INTU: variants seen among roughly 807,000 people sequenced by gnomAD.
INTU encodes the protein protein inturned.
A neutral mutation model predicts 100.5 loss-of-function variants in INTU; 68 were observed. The observed-to-expected ratio is 0.68, with a 90% CI of 0.56 to 0.83. INTU has a LOEUF of 0.83. Ranked by LOEUF, INTU falls within the 40% of genes least tolerant of loss-of-function variation. The pLI, the probability that INTU is intolerant of heterozygous loss-of-function variation, is 0.00. For missense variants in INTU, 1,071 were observed against 1,114.7 expected, an observed-to-expected ratio of 0.96 and a Z score of 0.56; for synonymous variants, 357 against 395.7, an observed-to-expected ratio of 0.90 and a Z score of 1.16.
At chr4:127,701,098 G>A (rs566059336) in intron 9 of INTU, among the ~76,000 whole-genome samples, 79 of 152,204 alleles carry the variant, frequency 5.2e-4, no homozygotes, top group African/African-American at 1.7e-3. Context: ...CCTGATGGAA[G>A]CACACAGAAC....
chr4:127,668,517 T>C (rs1728789543), intron 4 of INTU, among the ~76,000 whole-genome samples: 1 of 151,802 alleles, frequency 6.6e-6, no homozygotes. Context: ...TATTCTCACT[T>C]TGTAAGTTTA....
At chr4:127,680,886 T>G (rs1483476406) in intron 6 of INTU, among the ~76,000 whole-genome samples, 1 of 152,056 alleles carries the variant, frequency 6.6e-6, no homozygotes, top group African/African-American at 2.4e-5. Flanking sequence ...CTTAAGCTGA[T>G]AAGCAACTTC....
chr4:127,639,699 T>C (rs1162160654), intron 1 of INTU, among the ~76,000 whole-genome samples: 1 of 152,146 alleles, frequency 6.6e-6, no homozygotes, highest in Non-Finnish European at 1.5e-5. Context: ...GACATATACA[T>C]TGTATAGTGA....
chr4:127,669,172 G>T lies in INTU; in HGVS notation c.1091+18G>T. 3 of 1,183,052 alleles carry T rather than the reference G, an allele frequency of 2.5e-6. No homozygotes were observed. The highest frequency in any genetic ancestry group is 3.7e-6 in the Non-Finnish European group (3 of 820,854). The allele number at this position is 1,183,052 out of a possible 1,614,324, so 73.3% of individuals were successfully genotyped here. ...GTTACTAGGTAATAATTTTTATTTAGCTTTAATTCTGTTTTTTTCAAGTTC... is the reference window on the plus strand; with the variant it reads ...GTTACTAGGTAATAATTTTTATTTATCTTTAATTCTGTTTTTTTCAAGTTC... On this transcript the variant is annotated intron_variant, in intron 5 of 15. Coordinates refer to ENST00000335251, the MANE Select transcript of INTU (RefSeq NM_015693.4).
intron 1 of INTU, among the ~76,000 whole-genome samples, chr4:127,642,051 TTAAG>T (rs34451043): frequency 0.038 from 5,754 of 152,250 alleles, 362 homozygotes; most frequent in African/African-American, 0.13. Flanking sequence ...ACATATGTTT[TTAAG>T]TAATTAATGT....
At chr4:127,704,846 G>A (rs1221439576) in intron 10 of INTU, among the ~76,000 whole-genome samples, 1 of 151,996 alleles carries the variant, frequency 6.6e-6, no homozygotes, top group African/African-American at 2.4e-5. Flanking sequence ...CCATCACTTT[G>A]GGGGGCCGAG....
At chr4:127,637,800 C>T (rs1404467314) in intron 1 of INTU, among the ~76,000 whole-genome samples, 4 of 152,060 alleles carry the variant, frequency 2.6e-5, no homozygotes, top group African/African-American at 4.8e-5. Flanking sequence ...ATAGGAATGC[C>T]CTGTTTAGCT....
rs1730176523 is a variant in INTU, at chr4:127,692,172, A to G, written c.1449+4305A>G. ...ATCTACTTTTAGTTAAGGAATCTCC[A>G]CAATGTTTTCCATAGTGGTTGTACT... On this transcript the variant is annotated intron_variant, in intron 8 of 15. Coordinates refer to ENST00000335251, the MANE Select transcript of INTU (RefSeq NM_015693.4). Among the ~76,000 whole-genome samples the G allele has an allele frequency of 2.6e-5, 4 of 151,964 alleles. 1 individual carries two copies. The South Asian group carries it at 8.3e-4, about 32-fold the overall frequency.
Position 127,719,647 on chromosome 4 carries a change from C to T in INTU, c.*3211C>T, listed in dbSNP as rs1731316988. ...TTGGTTGGTAGCCTATTAATTACTG[C>T]CTCAATTTCAGAACTTGTTATTGGT... On this transcript the variant is annotated 3_prime_UTR_variant, in exon 16 of 16. Transcript: ENST00000335251. The T allele has an allele frequency of 1.3e-5, 2 of 152,116 alleles. No homozygotes were observed. 9.4% of individuals were successfully genotyped at this position (152,116 alleles called of 1,614,324 possible).
At chr4:127,674,916 A>C (rs1323141043) in intron 6 of INTU, among the ~76,000 whole-genome samples, 3 of 152,192 alleles carry the variant, frequency 2.0e-5, no homozygotes, top group Non-Finnish European at 2.9e-5. Context: ...AACTTGCCAA[A>C]GCTCGCATAA....
intron 14 of INTU, among the ~76,000 whole-genome samples, chr4:127,713,616 G>A (rs1311886844): frequency 1.3e-5 from 2 of 152,010 alleles, no homozygotes; most frequent in Admixed American, 1.3e-4. Flanking sequence ...CTTCCCTGGG[G>A]AAAAAAGCTT....
At chr4:127,701,476 A>G (rs1730646695) in intron 9 of INTU, among the ~76,000 whole-genome samples, 1 of 152,214 alleles carries the variant, frequency 6.6e-6, no homozygotes, top group Non-Finnish European at 1.5e-5. Flanking sequence ...CAAGGAAAGT[A>G]AACACTAATG....
chr4:127,647,035 T>G (rs1429290159), intron 2 of INTU, among the ~76,000 whole-genome samples: 1 of 152,190 alleles, frequency 6.6e-6, no homozygotes, highest in Admixed American at 6.5e-5. Flanking sequence ...CTTCTATCCA[T>G]AAATCCCCAC....
In INTU at chr4:127,649,459, A is replaced by G. The variant is rs1727734181; in HGVS notation, c.682+5403A>G. 2.0e-5 allele frequency among the ~76,000 whole-genome samples: 3 copies of G among 152,238 alleles called. No homozygotes were observed. In the South Asian group the frequency reaches 6.2e-4, roughly 32 times the overall value. Reference sequence around the variant, plus strand: ...TATCTACCAACACGATTCTACATATACAGGTTGAGTACTCCTTCTTCAAAA... The same window carrying G: ...TATCTACCAACACGATTCTACATATGCAGGTTGAGTACTCCTTCTTCAAAA... On this transcript the variant is annotated intron_variant, in intron 2 of 15. Coordinates refer to ENST00000335251, the MANE Select transcript of INTU (RefSeq NM_015693.4).
intron 3 of INTU, among the ~76,000 whole-genome samples, chr4:127,661,161 G>A (rs2126197766): frequency 6.6e-6 from 1 of 152,200 alleles, no homozygotes; most frequent in Non-Finnish European, 1.5e-5. Flanking sequence ...GTTTTTGTTT[G>A]AGTTTTTGTT....
chr4:127,666,916 T>C (rs1578568010), intron 4 of INTU, among the ~76,000 whole-genome samples: 1 of 152,194 alleles, frequency 6.6e-6, no homozygotes, highest in East Asian at 1.9e-4. Context: ...TTGCTTCATA[T>C]ATCAAAATTT....
intron 8 of INTU, chr4:127,699,223 C>T (rs565830952): frequency 6.6e-6 from 1 of 152,186 alleles, no homozygotes; most frequent in East Asian, 1.9e-4. Context: ...ATTCAATTGC[C>T]GATAGTTTTC....
rs185807280 is a variant in INTU at position 127,691,962 on chromosome 4, G to C, written c.1449+4095G>C. Among the ~76,000 whole-genome samples, 373 of 98,268 alleles carry C rather than the reference G, an allele frequency of 3.8e-3. 39 individuals carry two copies. Among genetic ancestry groups the C allele is most frequent in the Non-Finnish European group, 6.7e-3 (312 of 46,640 alleles). 64.5% of individuals were successfully genotyped at this position (98,268 alleles called of 152,430 possible). A position where few individuals can be genotyped will look rare whatever the true frequency, so the allele number is the denominator to read the frequency against. On this transcript the variant is annotated intron_variant, in intron 8 of 15. Coordinates refer to ENST00000335251, the MANE Select transcript of INTU (RefSeq NM_015693.4). The stretch of plus-strand genomic sequence containing the variant: ...GGCGGAGTATAGTGTTCCATGGTAT[G>C]TATATATATATATATATATGTCACA...
intron 2 of INTU, among the ~76,000 whole-genome samples, chr4:127,646,235 A>T (rs575525963): frequency 1.3e-5 from 2 of 151,994 alleles, no homozygotes; most frequent in Non-Finnish European, 1.5e-5. Flanking sequence ...ACAATAGATG[A>T]CTGGAACAGG....
Sources: gnomAD v4.1 joint callset for allele counts (sites outside exome capture counted in the v4.1 genomes callset) on GRCh38, gnomAD v4.1.1 for gene constraint, MANE v1.5 for transcripts, NCBI Gene and HGNC (gene_info 2026-07-23, HGNC 2026-07-21) for gene names.